Variants in PTPRS observed in about 807,000 individuals in gnomAD.
PTPRS encodes receptor-type tyrosine-protein phosphatase S.
Under a neutral mutation model 215.3 loss-of-function variants are expected in PTPRS, and 63 were observed. That is an observed-to-expected ratio of 0.29 (90% CI 0.24 to 0.36). The LOEUF is 0.36. PTPRS is among the 10% of genes least tolerant of loss of function. PTPRS has a pLI of 1.00. For missense variants in PTPRS, 2,258 were observed against 2,825.8 expected, an observed-to-expected ratio of 0.80 and a Z score of 4.56; for synonymous variants, 1,404 against 1,191.4, an observed-to-expected ratio of 1.18 and a Z score of -3.68.
chr19:5,213,429 C>G (rs967695918), intron 30 of PTPRS, among the ~76,000 whole-genome samples: 2 of 145,638 alleles, frequency 1.4e-5, no homozygotes, highest in South Asian at 2.2e-4. Context: ...GCTGTCCCCC[C>G]AAATCTCCCC....
Position 5,286,230 on chromosome 19 carries a change from A to C in PTPRS, c.-90T>G. ...CCTCGAGCCGAGCGTCAGATGGGGCAACGTCTGCAGAGACAATGGAGGGCT... is the reference window on the plus strand; with the variant it reads ...CCTCGAGCCGAGCGTCAGATGGGGCCACGTCTGCAGAGACAATGGAGGGCT... On this transcript the variant is annotated 5_prime_UTR_variant, in exon 2 of 38. Coordinates refer to ENST00000262963, the MANE Select transcript of PTPRS (RefSeq NM_002850.4). 1.4e-6 allele frequency: 2 copies of C among 1,414,388 alleles called. No homozygotes were observed. The highest frequency in any genetic ancestry group is 2.5e-5 in the East Asian group (1 of 40,556). The allele number at this position is 1,414,388 out of a possible 1,614,324, so 87.6% of individuals were successfully genotyped here. A position where few individuals can be genotyped will look rare whatever the true frequency, so the allele number is the denominator to read the frequency against.
In PTPRS at chr19:5,211,667, G is replaced by A; in HGVS notation, c.5157C>T (p.Ser1719=). Residue 1719 remains serine, a synonymous_variant, in exon 33 of 38, where the codon AGC becomes AGT. Coordinates refer to ENST00000262963, the MANE Select transcript of PTPRS (RefSeq NM_002850.4). ...GGATGGGTTGCAGACAGACCCGTGT[G>A]CTCTCATAGGGCATGATGTTCACCA... ...NRLVNIMPYE[S]TRVCLQPIRG... is the part of the protein sequence containing the mutation. 1 of 1,614,134 alleles carries A rather than the reference G, an allele frequency of 6.2e-7. No individual in the cohort carries two copies. The highest frequency in any genetic ancestry group is 8.5e-7 in the Non-Finnish European group (1 of 1,180,006).
intron 13 of PTPRS, among the ~76,000 whole-genome samples, chr19:5,233,188 G>A (rs960725085): frequency 3.1e-5 from 4 of 127,060 alleles, no homozygotes; most frequent in Non-Finnish European, 5.0e-5. Context: ...AATCTATGTC[G>A]AACACCTATG....
intron 1 of PTPRS, among the ~76,000 whole-genome samples, chr19:5,315,973 G>T (rs1419449669): frequency 6.6e-6 from 1 of 150,678 alleles, no homozygotes; most frequent in African/African-American, 2.4e-5. Context: ...CGGGGTGGGG[G>T]GTGGTCCTAT....
At chr19:5,305,621 T>C (rs1284464011) in intron 1 of PTPRS, among the ~76,000 whole-genome samples, 1 of 150,984 alleles carries the variant, frequency 6.6e-6, no homozygotes, top group Non-Finnish European at 1.5e-5. Flanking sequence ...CCCGGCACTT[T>C]GGGAGGCTGA....
chr19:5,216,053 G>A (rs2041413278), intron 26 of PTPRS, among the ~76,000 whole-genome samples: 1 of 152,122 alleles, frequency 6.6e-6, no homozygotes, highest in Non-Finnish European at 1.5e-5. Context: ...ACCCCTTTCT[G>A]TCCCTCTGGG....
chr19:5,214,762 A>C (rs1267179680), intron 28 of PTPRS, 26 bp from the exon 29 acceptor site: 2 of 1,582,634 alleles, frequency 1.3e-6, no homozygotes, highest in Non-Finnish European at 1.7e-6. Flanking sequence ...GAGGCCAGGG[A>C]TCTGTGGGGG....
At chr19:5,230,549 G>T (rs1024844699) in intron 14 of PTPRS, among the ~76,000 whole-genome samples, 1 of 152,202 alleles carries the variant, frequency 6.6e-6, no homozygotes, top group African/African-American at 2.4e-5. Context: ...GCCTCAAACT[G>T]CTATGCCCAG....
At chr19:5,309,037 G>A (rs2049601100) in intron 1 of PTPRS, among the ~76,000 whole-genome samples, 1 of 152,172 alleles carries the variant, frequency 6.6e-6, no homozygotes, top group African/African-American at 2.4e-5. Flanking sequence ...CCTGGCACTA[G>A]GCCCTGGGCT....
In PTPRS at chr19:5,211,637, A is replaced by G. The variant is rs1475460932; in HGVS notation, c.5187T>C (p.Gly1729=). The change falls in exon 33 of 38, where the codon GGT becomes GGC. Residue 1729 remains glycine (G), a synonymous_variant. Coordinates refer to ENST00000262963, the MANE Select transcript of PTPRS (RefSeq NM_002850.4). Reference sequence around the variant, plus strand: ...CGTTGATGTAGTCAGAGCCCTCCACACCCCGGATGGGTTGCAGACAGACCC... The same window carrying G: ...CGTTGATGTAGTCAGAGCCCTCCACGCCCCGGATGGGTTGCAGACAGACCC... The part of the protein sequence containing the change: ...STRVCLQPIR[G]VEGSDYINAS... 3 of 1,613,486 alleles carry G rather than the reference A, an allele frequency of 1.9e-6. No homozygotes were observed. The highest frequency in any genetic ancestry group is 1.3e-5 in the African/African-American group (1 of 74,900).
intron 1 of PTPRS, among the ~76,000 whole-genome samples, chr19:5,325,731 G>A (rs75951176): frequency 5.9e-5 from 9 of 152,198 alleles, no homozygotes; most frequent in East Asian, 1.9e-4. Context: ...CGAGGACACC[G>A]GCCAATTCAT....
chr19:5,309,345 C>T (rs935267015), intron 1 of PTPRS, among the ~76,000 whole-genome samples: 7 of 152,234 alleles, frequency 4.6e-5, no homozygotes, highest in Non-Finnish European at 8.8e-5. Context: ...GTGTAGCCCA[C>T]AGCCCCTCCC....
chr19:5,327,809 C>T (rs2050210565), intron 1 of PTPRS, among the ~76,000 whole-genome samples: 2 of 152,188 alleles, frequency 1.3e-5, no homozygotes, highest in Middle Eastern at 3.4e-3. Context: ...CTATGTTGCC[C>T]AGGTTGGACT....
At chr19:5,277,056 T>C (rs2047433743) in intron 2 of PTPRS, among the ~76,000 whole-genome samples, 1 of 111,076 alleles carries the variant, frequency 9.0e-6, no homozygotes, top group Admixed American at 1.1e-4. Context: ...CTGAGTTTTG[T>C]GTTTTTTTTT....
chr19:5,320,100 G>A (rs1403882617), intron 1 of PTPRS, among the ~76,000 whole-genome samples: 1 of 152,172 alleles, frequency 6.6e-6, no homozygotes, highest in Admixed American at 6.5e-5. Flanking sequence ...AGCAGCCGCT[G>A]AGACCCCGGA....
At chr19:5,253,496 T>A (rs1268394836) in intron 9 of PTPRS, among the ~76,000 whole-genome samples, 1 of 152,116 alleles carries the variant, frequency 6.6e-6, no homozygotes, top group African/African-American at 2.4e-5. Flanking sequence ...AGGGTAGCCT[T>A]GTACTTAATA....
In PTPRS at chr19:5,214,703, T is replaced by C; in HGVS notation, c.4352A>G (p.Tyr1451Cys). ...IMGSDYINAN[Y>C]VDGYRCQNAY... ...GTTCTGACACCGGTAGCCGTCCACGTAGTTGGCATTGATGTAATCACTGCC... is the reference window on the plus strand; with the variant it reads ...GTTCTGACACCGGTAGCCGTCCACGCAGTTGGCATTGATGTAATCACTGCC... Residue 1451 changes from tyrosine (Y) to cysteine (C), a missense_variant, in exon 29 of 38, where the codon TAC (tyrosine) becomes TGC (cysteine). Tyr to Cys is a radical substitution (Grantham distance 194). Around this residue, in one of 6 missense-constraint regions of PTPRS, gnomAD observed 927 missense variants for 1,125.9 expected, o/e 0.82. Transcript: ENST00000262963. The C allele has an allele frequency of 6.2e-7, 1 of 1,611,968 alleles. No homozygotes were observed. Among genetic ancestry groups the C allele is most frequent in the Non-Finnish European group, 8.5e-7 (1 of 1,179,144 alleles).
intron 1 of PTPRS, among the ~76,000 whole-genome samples, chr19:5,322,898 A>AAAAAG (rs775619490): frequency 0.12 from 13,631 of 117,504 alleles, 1,072 homozygotes; most frequent in Non-Finnish European, 0.15. Context: ...AAAAAAAAAA[A>AAAAAG]AAGAAGAAGA....
Position 5,206,528 on chromosome 19 carries a change from G to A in PTPRS, c.*246C>T, listed in dbSNP as rs2040377512. On this transcript the variant is annotated 3_prime_UTR_variant, in exon 38 of 38. Coordinates refer to ENST00000262963, the MANE Select transcript of PTPRS (RefSeq NM_002850.4). ...CACCCCGGAATCTGGTTTTGGAATTGGAAGGAAAGGAGGAATGTGCCAAGT... is the reference window on the plus strand; with the variant it reads ...CACCCCGGAATCTGGTTTTGGAATTAGAAGGAAAGGAGGAATGTGCCAAGT... 1 of 403,068 alleles carries A rather than the reference G, an allele frequency of 2.5e-6. No homozygotes were observed. Among genetic ancestry groups the A allele is most frequent in the Non-Finnish European group, 4.5e-6 (1 of 221,374 alleles). The allele number at this position is 403,068 out of a possible 1,614,324, so 25.0% of individuals were successfully genotyped here.
Sources: gnomAD v4.1 joint callset for allele counts (sites outside exome capture counted in the v4.1 genomes callset) on GRCh38, gnomAD v4.1.1 for gene constraint, gnomAD v4.1.1 regional missense constraint, MANE v1.5 for transcripts, NCBI Gene and HGNC (gene_info 2026-07-23, HGNC 2026-07-21) for gene names.